The following DAB1 variants were observed in gnomAD, a reference collection of about 807,000 sequenced individuals.
The protein encoded by DAB1 is disabled homolog 1.
Under a neutral mutation model 64.6 loss-of-function variants are expected in DAB1, and 15 were observed. The ratio of observed to expected loss-of-function variants is 0.23; its 90% CI spans 0.16 to 0.36. The LOEUF (loss-of-function observed/expected upper bound fraction) is 0.36. Ranked by LOEUF, DAB1 falls within the 10% of genes least tolerant of loss-of-function variation. The pLI, the probability that DAB1 is intolerant of heterozygous loss-of-function variation, is 1.00. For missense variants in DAB1, 596 were observed against 706.7 expected (o/e 0.84, Z 1.78); for synonymous variants, 235 against 251.9 (o/e 0.93, Z 0.64).
At chr1:57,792,407 T>G (rs765345964) in intron 6 of DAB1, among the ~76,000 whole-genome samples, 3 of 152,250 alleles carry the variant, frequency 2.0e-5, no homozygotes, top group Non-Finnish European at 4.4e-5. Context: ...TCTATTTAGC[T>G]TTTCTATGAT....
At chr1:58,354,402 C>T (rs1033374091) in intron 3 of DAB1, among the ~76,000 whole-genome samples, 4 of 152,220 alleles carry the variant, frequency 2.6e-5, no homozygotes, top group Non-Finnish European at 4.4e-5. Context: ...CACCTTCTCT[C>T]GTAGCATTTA....
intron 6 of DAB1, among the ~76,000 whole-genome samples, chr1:57,770,329 G>A (rs968068039): frequency 6.6e-6 from 1 of 152,156 alleles, no homozygotes; most frequent in Non-Finnish European, 1.5e-5. Flanking sequence ...GTGCAGTGGT[G>A]TGATCATAGC....
At chr1:58,084,725 G>A (rs1205386393) in intron 5 of DAB1, among the ~76,000 whole-genome samples, 1 of 151,616 alleles carries the variant, frequency 6.6e-6, no homozygotes, top group East Asian at 1.9e-4. Context: ...TCCTCCCTGT[G>A]TAAGATGGAG....
chr1:57,029,041 C>A (rs2100411863), intron 9 of DAB1, among the ~76,000 whole-genome samples: 1 of 152,326 alleles, frequency 6.6e-6, no homozygotes, highest in South Asian at 2.1e-4. Flanking sequence ...TGTCAGAGAC[C>A]TTCATGGCAG....
At chr1:58,476,551 G>A (rs192810777) in intron 3 of DAB1, among the ~76,000 whole-genome samples, 92 of 152,288 alleles carry the variant, frequency 6.0e-4, no homozygotes, top group Non-Finnish European at 1.0e-4. Flanking sequence ...GGAAGTTAGG[G>A]GGCAAAGTGT....
At chr1:57,058,179 C>T (rs1650025694) in intron 9 of DAB1, among the ~76,000 whole-genome samples, 1 of 151,616 alleles carries the variant, frequency 6.6e-6, no homozygotes, top group South Asian at 2.1e-4. Flanking sequence ...TAGAAGGCCA[C>T]CTGTCCGCCT....
At chr1:58,092,690 C>A (rs1650741453) in intron 5 of DAB1, among the ~76,000 whole-genome samples, 1 of 152,136 alleles carries the variant, frequency 6.6e-6, no homozygotes, top group Non-Finnish European at 1.5e-5. Flanking sequence ...GGGGAGGGCT[C>A]CTTGCTTGAA....
chr1:57,364,533 T>C (rs1470451130), intron 1 of DAB1, among the ~76,000 whole-genome samples: 2 of 152,078 alleles, frequency 1.3e-5, no homozygotes, highest in African/African-American at 4.8e-5. Flanking sequence ...CTTGGAAAGA[T>C]AAACTGAAAA....
intron 7 of DAB1, among the ~76,000 whole-genome samples, chr1:57,563,905 T>C (rs566582618): frequency 1.1e-4 from 17 of 152,324 alleles, no homozygotes; most frequent in Admixed American, 1.1e-3. Context: ...CTCTGCAGAC[T>C]TAAATGTCCC....
At chr1:58,317,639 C>T (rs1662588222) in intron 4 of DAB1, among the ~76,000 whole-genome samples, 2 of 152,208 alleles carry the variant, frequency 1.3e-5, no homozygotes, top group African/African-American at 4.8e-5. Context: ...TGCCAGTGAT[C>T]TGAACTAGCT....
At chr1:58,527,426 G>A (rs1460600139) in intron 1 of DAB1, 8 of 704,072 alleles carry the variant, frequency 1.1e-5, no homozygotes, top group African/African-American at 1.8e-5. Flanking sequence ...ACAGTTTCAT[G>A]GAGTATCTAG....
intron 5 of DAB1, among the ~76,000 whole-genome samples, chr1:57,952,678 C>T (rs2100242897): frequency 6.6e-6 from 1 of 152,010 alleles, no homozygotes; most frequent in Non-Finnish European, 1.5e-5. Context: ...CACATGCCAC[C>T]AAAAAAGCAT....
At chr1:57,695,867 T>C (rs1286628858) in intron 6 of DAB1, among the ~76,000 whole-genome samples, 1 of 152,128 alleles carries the variant, frequency 6.6e-6, no homozygotes, top group Non-Finnish European at 1.5e-5. Context: ...GCCACTGCAC[T>C]CCAGCCTGGG....
Position 57,462,654 on chromosome 1 carries a change from A to G in DAB1, n.626-171488T>C, listed in dbSNP as rs142825931. On this transcript the variant is annotated intron_variant and non_coding_transcript_variant, in intron 7 of 20. Coordinates refer to the DAB1 transcript ENST00000485760. ...GGGTCGTACTGCTCCCATTTTTTAA[A>G]TGAAGAAACAGAAGCACAGAGAAGT... 2.6e-3 allele frequency among the ~76,000 whole-genome samples: 394 copies of G among 152,302 alleles called. 1 individual carries two copies. The highest frequency in any genetic ancestry group is 4.4e-3 in the Non-Finnish European group (296 of 68,028).
In DAB1 at chr1:57,000,659, TA is replaced by T. The variant is rs1057245983; in HGVS notation, c.*16-2532del. Among the ~76,000 whole-genome samples, 104 of 152,334 alleles carry T rather than the reference TA, an allele frequency of 6.8e-4. 1 individual carries two copies. Among genetic ancestry groups the T allele is most frequent in the African/African-American group, 2.5e-3 (103 of 41,576 alleles). On this transcript the variant is annotated intron_variant, in intron 14 of 14. Transcript: ENST00000371236. ...TGCAGTAGGTGGAGTCAAAAATAGT[TA>T]AGTACAACTACTGGGGAAAAATATT... is the stretch of plus-strand genomic sequence containing the variant.
At chr1:58,280,223 C>T (rs920826350) in intron 4 of DAB1, among the ~76,000 whole-genome samples, 2 of 152,154 alleles carry the variant, frequency 1.3e-5, no homozygotes, top group Non-Finnish European at 2.9e-5. Context: ...CCATGTCTAC[C>T]CTTTGTCTTC....
At chr1:57,123,122 C>T (rs1240732165) in intron 4 of DAB1, among the ~76,000 whole-genome samples, 1 of 152,122 alleles carries the variant, frequency 6.6e-6, no homozygotes, top group Non-Finnish European at 1.5e-5. Context: ...GTTTTCTCCT[C>T]TTGGTGACAT....
intron 4 of DAB1, among the ~76,000 whole-genome samples, chr1:58,317,938 A>G (rs1362006906): frequency 6.6e-6 from 1 of 152,198 alleles, no homozygotes; most frequent in East Asian, 1.9e-4. Flanking sequence ...AAAGTCAGGG[A>G]CTGTGCTTTG....
chr1:58,339,137 G>T (rs957221232), intron 4 of DAB1, among the ~76,000 whole-genome samples: 1 of 152,032 alleles, frequency 6.6e-6, no homozygotes, highest in Non-Finnish European at 1.5e-5. Flanking sequence ...ACTTTTAAAT[G>T]GTGAATTTTA....
Sources: allele counts gnomAD v4.1 joint callset (sites outside exome capture counted in the v4.1 genomes callset), GRCh38; gene constraint gnomAD v4.1.1; transcripts MANE v1.5; gene names NCBI Gene and HGNC (gene_info 2026-07-23, HGNC 2026-07-21).